The following DCDC1 variants were observed in gnomAD, a reference collection of about 807,000 sequenced individuals.
The protein encoded by DCDC1 is doublecortin domain containing 1, also known as doublecortin domain-containing protein 1.
Under a neutral mutation model 178.3 loss-of-function variants are expected in DCDC1, and 200 were observed. The ratio of observed to expected loss-of-function variants is 1.12; its 90% confidence interval spans 1.00 to 1.26. The LOEUF is 1.26. Ranked by LOEUF, DCDC1 falls within the 50% of genes most tolerant of loss-of-function variation. DCDC1 has a pLI of 0.00. For synonymous variants in DCDC1, 690 were observed against 604.8 expected (o/e 1.14, Z -2.07); for missense variants, 1,983 against 1,749.2 (o/e 1.13, Z -2.38).
intron 9 of DCDC1, among the ~76,000 whole-genome samples, chr11:31,141,536 T>TA (rs1963830836): frequency 6.6e-6 from 1 of 152,152 alleles, no homozygotes; most frequent in African/African-American, 2.4e-5. Flanking sequence ...TCTATTAATA[T>TA]AAAAAATCCA....
At chr11:31,347,210 T>C (rs1439086617) in intron 1 of DCDC1, among the ~76,000 whole-genome samples, 1 of 152,190 alleles carries the variant, frequency 6.6e-6, no homozygotes, top group Non-Finnish European at 1.5e-5. Context: ...GGGACTTGCT[T>C]AGCTCTCCTG....
intron 36 of DCDC1, among the ~76,000 whole-genome samples, chr11:30,888,163 G>GAAAGA (rs1565030639): frequency 4.1e-5 from 4 of 97,978 alleles, no homozygotes; most frequent in African/African-American, 1.3e-4. Flanking sequence ...AGAAAGAAAG[G>GAAAGA]GAAAGAAAGA....
intron 3 of DCDC1, among the ~76,000 whole-genome samples, chr11:31,318,827 G>C (rs1949220941): frequency 1.5e-5 from 1 of 64,844 alleles, no homozygotes. Context: ...ACACTGTTTT[G>C]AACGCGTCCC....
intron 18 of DCDC1, among the ~76,000 whole-genome samples, chr11:31,070,962 G>T (rs2135522791): frequency 6.6e-6 from 1 of 152,232 alleles, no homozygotes; most frequent in Non-Finnish European, 1.5e-5. Context: ...GATCAGGCAT[G>T]TTTTTGAAGA....
chr11:31,328,209 T>C lies in DCDC1; in HGVS notation c.72A>G (p.Ala24=). The change falls in exon 3 of 39, where the codon GCA becomes GCG. Residue 24 remains alanine, a synonymous_variant. Transcript: ENST00000684477. ...GGCTACTTTGCTGTAATACTTCCAT[T>C]GCTTCAGTCAAGAGGGATAAGGAAG... The part of the protein sequence containing the change: ...SQSSLSLLTE[A]MEVLQQSSPE... The C allele has an allele frequency of 6.2e-7, 1 of 1,612,582 alleles. No homozygotes were observed. Among genetic ancestry groups the C allele is most frequent in the Non-Finnish European group, 8.5e-7 (1 of 1,178,970 alleles).
At chr11:31,242,487 T>C (rs1182710967) in intron 8 of DCDC1, among the ~76,000 whole-genome samples, 5 of 151,868 alleles carry the variant, frequency 3.3e-5, no homozygotes, top group Non-Finnish European at 7.4e-5. Flanking sequence ...AAAAAGTAAA[T>C]GATATTTTTC....
At position 31,335,483 on chromosome 11, in the gene DCDC1, T is replaced by C. The variant is rs1950224365; in HGVS notation, c.-43A>G. The C allele has an allele frequency of 6.6e-6, 1 of 152,264 alleles. No homozygotes were observed. Among genetic ancestry groups the C allele is most frequent in the Non-Finnish European group, 1.5e-5 (1 of 68,090 alleles). 9.4% of individuals were successfully genotyped at this position (152,264 alleles called of 1,614,324 possible). On this transcript the variant is annotated 5_prime_UTR_variant, in exon 2 of 39. An upstream start codon of the reference 5' UTR is lost. Coordinates refer to ENST00000684477, the MANE Select transcript of DCDC1 (RefSeq NM_001387274.1). ...ATGCAGAAATCACCCATCTTCTACATTAATCACGCTGGGAGCTGCAGGCTG... is the reference window on the plus strand; with the variant it reads ...ATGCAGAAATCACCCATCTTCTACACTAATCACGCTGGGAGCTGCAGGCTG...
chr11:31,216,567 A>AGATG (rs1973592408), intron 9 of DCDC1, among the ~76,000 whole-genome samples: 1 of 152,210 alleles, frequency 6.6e-6, no homozygotes, highest in South Asian at 2.1e-4. Context: ...AATGACAAGC[A>AGATG]GATGTCATAA....
At chr11:31,074,049 C>A (rs1956722607) in intron 18 of DCDC1, among the ~76,000 whole-genome samples, 1 of 151,964 alleles carries the variant, frequency 6.6e-6, no homozygotes, top group Non-Finnish European at 1.5e-5. Context: ...TGAACATAAA[C>A]AATTAGTAAC....
At position 31,311,804 on chromosome 11, in the gene DCDC1, G is replaced by A. The variant is rs190065808; in HGVS notation, c.165-3896C>T. On this transcript the variant is annotated intron_variant, in intron 3 of 38. Coordinates refer to ENST00000684477, the MANE Select transcript of DCDC1 (RefSeq NM_001387274.1). ...CTCAAAATCCTCCCCATTTATTTCT[G>A]AGAGTCCTCAAAGTGGTACATTATA... Among the ~76,000 whole-genome samples, 273 of 152,258 alleles carry A rather than the reference G, an allele frequency of 1.8e-3. 1 individual carries two copies. The highest frequency in any genetic ancestry group is 6.2e-3 in the African/African-American group (259 of 41,554).
chr11:31,297,785 C>T lies in DCDC1; in HGVS notation c.755-6933G>A, dbSNP rs1054599301. Among the ~76,000 whole-genome samples the T allele has an allele frequency of 4.6e-5, 7 of 152,178 alleles. No homozygotes were observed. In the East Asian group the frequency reaches 1.3e-3, roughly 29 times the overall value. On this transcript the variant is annotated intron_variant, in intron 6 of 38. Transcript: ENST00000684477. Reference sequence around the variant, plus strand: ...ATAAGAATCAGGTTAAAAGGCTAATCAGAGACTCAAAAGAAAGCAACCATT... The same window carrying T: ...ATAAGAATCAGGTTAAAAGGCTAATTAGAGACTCAAAAGAAAGCAACCATT...
chr11:31,328,945 C>CTTTTTTTTTTTTTTTTTTTTTTTTTTT (rs1176942329), intron 2 of DCDC1, among the ~76,000 whole-genome samples: 2 of 47,802 alleles, frequency 4.2e-5, no homozygotes, highest in Non-Finnish European at 8.4e-5. Context: ...CACCACAAGG[C>CTTTTTTTTTTTTTTTTTTTTTTTTTTT]TTTTTTTTTT....
intron 20 of DCDC1, among the ~76,000 whole-genome samples, chr11:31,007,366 T>A (rs1951906633): frequency 6.6e-6 from 1 of 152,192 alleles, no homozygotes; most frequent in Non-Finnish European, 1.5e-5. Flanking sequence ...AAGATTGCCT[T>A]GAAATGAGAC....
chr11:30,921,091 T>G (rs1467765124), intron 24 of DCDC1, among the ~76,000 whole-genome samples, 156 bp from the exon 25 acceptor site: 1 of 152,240 alleles, frequency 6.6e-6, no homozygotes, highest in Non-Finnish European at 1.5e-5. Context: ...TAATTTTAAT[T>G]TTTATAGATT....
chr11:31,116,057 CAT>C (rs1264382336), intron 11 of DCDC1, among the ~76,000 whole-genome samples: 8 of 147,368 alleles, frequency 5.4e-5, no homozygotes, highest in African/African-American at 7.4e-5. Flanking sequence ...TCCACACACA[CAT>C]GATAGGTCAG....
intron 9 of DCDC1, among the ~76,000 whole-genome samples, chr11:31,200,503 C>T (rs1248955213): frequency 6.6e-6 from 1 of 151,932 alleles, no homozygotes; most frequent in African/African-American, 2.4e-5. Flanking sequence ...AAAAAATTCT[C>T]CTTTTTGTCA....
chr11:31,044,446 C>T (rs1369462059), intron 20 of DCDC1, among the ~76,000 whole-genome samples: 1 of 147,714 alleles, frequency 6.8e-6, no homozygotes. Context: ...CCACTGTACT[C>T]CAGCCTGGGC....
At chr11:31,009,295 T>G (rs573116492) in intron 20 of DCDC1, among the ~76,000 whole-genome samples, 12 of 152,196 alleles carry the variant, frequency 7.9e-5, no homozygotes, top group Non-Finnish European at 1.8e-4. Flanking sequence ...TTCCTGCATA[T>G]TTATAAATTT....
At chr11:30,944,446 A>T in intron 21 of DCDC1, 1 of 393,282 alleles carries the variant, frequency 2.5e-6, no homozygotes, top group Admixed American at 2.9e-5. Context: ...TCTGAATGCC[A>T]CAATATGAGT....
Sources: allele counts gnomAD v4.1 joint callset (sites outside exome capture counted in the v4.1 genomes callset), GRCh38; gene constraint gnomAD v4.1.1; transcripts MANE v1.5; gene names NCBI Gene and HGNC (gene_info 2026-07-23, HGNC 2026-07-21).